Variants in AGBL4 observed in about 807,000 individuals in gnomAD.
The protein encoded by AGBL4 is cytosolic carboxypeptidase 6.
In AGBL4, 58 loss-of-function variants were observed where a neutral mutation model predicts 66.4. That is an observed-to-expected ratio of 0.87 (90% CI 0.71 to 1.09). The LOEUF (loss-of-function observed/expected upper bound fraction) is 1.09. Ranked by LOEUF, AGBL4 falls within the 50% of genes least tolerant of loss-of-function variation. AGBL4 has a pLI of 0.00. For synonymous variants in AGBL4, 234 were observed against 222.9 expected (o/e 1.05, Z -0.44); for missense variants, 579 against 631.0 (o/e 0.92, Z 0.88).
chr1:48,715,539 C>T (rs1432012374), intron 6 of AGBL4, among the ~76,000 whole-genome samples: 2 of 152,216 alleles, frequency 1.3e-5, no homozygotes, highest in East Asian at 3.9e-4. Context: ...GGTGCTAGTG[C>T]AGCACCTAGC....
intron 6 of AGBL4, among the ~76,000 whole-genome samples, chr1:48,823,050 A>C (rs1361690136): frequency 1.3e-5 from 2 of 152,204 alleles, no homozygotes; most frequent in East Asian, 3.8e-4. Context: ...TTCGATAGAA[A>C]ACATTCTTAT....
chr1:49,271,375 G>A (rs956593241), intron 3 of AGBL4, among the ~76,000 whole-genome samples: 1 of 151,814 alleles, frequency 6.6e-6, no homozygotes, highest in Non-Finnish European at 1.5e-5. Context: ...GAGGTAGAAG[G>A]GTACTTTCGA....
chr1:49,588,051 G>A (rs1003058228), intron 3 of AGBL4, among the ~76,000 whole-genome samples: 3 of 151,988 alleles, frequency 2.0e-5, no homozygotes, highest in African/African-American at 7.2e-5. Context: ...TGGTTCACCA[G>A]GCTCCATACT....
intron 2 of AGBL4, among the ~76,000 whole-genome samples, chr1:49,816,167 G>A (rs888305112): frequency 6.6e-6 from 1 of 152,090 alleles, no homozygotes; most frequent in Non-Finnish European, 1.5e-5. Flanking sequence ...GATTACCTGA[G>A]GCAGCATGCT....
chr1:49,038,649 G>T lies in AGBL4; in HGVS notation c.594+6935C>A, dbSNP rs542365074. Among the ~76,000 whole-genome samples the T allele has an allele frequency of 3.9e-5, 6 of 152,136 alleles. 1 individual carries two copies. Among genetic ancestry groups the T allele is most frequent in the African/African-American group, 1.4e-4 (6 of 41,536 alleles). ...GAAATGCAAATCGAAACAACAATGAGATACAGTACACACCTATTAGAATGG... is the reference window on the plus strand; with the variant it reads ...GAAATGCAAATCGAAACAACAATGATATACAGTACACACCTATTAGAATGG... On this transcript the variant is annotated intron_variant, in intron 5 of 13. Coordinates refer to ENST00000371839, the MANE Select transcript of AGBL4 (RefSeq NM_032785.4).
At chr1:49,168,742 C>T (rs997868407) in intron 4 of AGBL4, among the ~76,000 whole-genome samples, 27 of 152,168 alleles carry the variant, frequency 1.8e-4, no homozygotes, top group Non-Finnish European at 3.4e-4. Flanking sequence ...GCTTGATGCC[C>T]ACACACTTAT....
At chr1:49,474,864 C>T (rs1400677789) in intron 3 of AGBL4, among the ~76,000 whole-genome samples, 1 of 151,894 alleles carries the variant, frequency 6.6e-6, no homozygotes, top group East Asian at 1.9e-4. Flanking sequence ...TTAGGAGCCA[C>T]CCCAAGTACA....
chr1:50,009,994 TA>T (rs1264963509), intron 1 of AGBL4, among the ~76,000 whole-genome samples: 1 of 151,964 alleles, frequency 6.6e-6, no homozygotes, highest in Admixed American at 6.6e-5. Flanking sequence ...TCAAAGAAAT[TA>T]AAGAGGACGT....
chr1:48,859,095 G>C (rs1463286483), intron 6 of AGBL4, among the ~76,000 whole-genome samples: 3 of 151,940 alleles, frequency 2.0e-5, no homozygotes, highest in African/African-American at 7.3e-5. Context: ...GTTTTTAAGG[G>C]GAGAGTCGTG....
At chr1:49,692,362 C>T (rs1207393476) in intron 3 of AGBL4, among the ~76,000 whole-genome samples, 1 of 152,078 alleles carries the variant, frequency 6.6e-6, no homozygotes, top group Non-Finnish European at 1.5e-5. Context: ...TTGTGGACTG[C>T]TGATTTTGAC....
At chr1:49,875,379 T>C (rs1213700990) in intron 1 of AGBL4, among the ~76,000 whole-genome samples, 1 of 132,148 alleles carries the variant, frequency 7.6e-6, no homozygotes, top group Non-Finnish European at 1.6e-5. Context: ...ATTGTTCAAT[T>C]CCCACCTATG....
Position 49,424,265 on chromosome 1 carries a change from T to A in AGBL4, c.283-178401A>T, listed in dbSNP as rs143954675. On this transcript the variant is annotated intron_variant, in intron 3 of 13. Coordinates refer to ENST00000371839, the MANE Select transcript of AGBL4 (RefSeq NM_032785.4). ...ACGAAACAAACAAAGAAACAAACAG[T>A]TAAATAGAGCCAAATTCTTTCTATA... is the stretch of plus-strand genomic sequence containing the variant. 7.4e-4 allele frequency among the ~76,000 whole-genome samples: 112 copies of A among 152,148 alleles called. 2 individuals are homozygous for A. In the East Asian group the frequency reaches 0.019, roughly 25 times the overall value.
intron 4 of AGBL4, among the ~76,000 whole-genome samples, chr1:49,204,287 T>A (rs919346805): frequency 2.0e-5 from 3 of 152,092 alleles, no homozygotes; most frequent in Non-Finnish European, 2.9e-5. Context: ...TGTTTATTTT[T>A]TTAGTCAAGT....
At chr1:49,853,104 C>T (rs1157373254) in intron 1 of AGBL4, among the ~76,000 whole-genome samples, 1 of 151,958 alleles carries the variant, frequency 6.6e-6, no homozygotes, top group Non-Finnish European at 1.5e-5. Flanking sequence ...TGAGACATAG[C>T]CAAAATATCA....
intron 1 of AGBL4, among the ~76,000 whole-genome samples, chr1:49,930,034 C>T (rs1030494804): frequency 6.6e-6 from 1 of 151,754 alleles, no homozygotes; most frequent in Non-Finnish European, 1.5e-5. Context: ...ACTACTAGTT[C>T]TTTAAGAAAG....
chr1:49,674,719 AAAAG>A (rs1646546904), intron 3 of AGBL4, among the ~76,000 whole-genome samples: 1 of 151,972 alleles, frequency 6.6e-6, no homozygotes, highest in Non-Finnish European at 1.5e-5. Context: ...TTTTCCAAAA[AAAAG>A]AACGAAATCA....
chr1:49,342,346 A>G (rs995750826), intron 3 of AGBL4, among the ~76,000 whole-genome samples: 1 of 152,108 alleles, frequency 6.6e-6, no homozygotes, highest in Non-Finnish European at 1.5e-5. Context: ...CACAGGAGAA[A>G]ATGCAGGCCG....
intron 3 of AGBL4, among the ~76,000 whole-genome samples, chr1:49,564,180 T>C (rs1329741207): frequency 6.6e-6 from 1 of 152,134 alleles, no homozygotes; most frequent in Non-Finnish European, 1.5e-5. Context: ...TTTTATTGCG[T>C]CTATTTGATT....
chr1:49,333,808 G>A (rs186925879), intron 3 of AGBL4, among the ~76,000 whole-genome samples: 1 of 152,272 alleles, frequency 6.6e-6, no homozygotes. Flanking sequence ...TCCTTGTTCA[G>A]TTTGGCCATG....
Sources: gnomAD v4.1 joint callset for allele counts (sites outside exome capture counted in the v4.1 genomes callset) on GRCh38, gnomAD v4.1.1 for gene constraint, MANE v1.5 for transcripts, NCBI Gene and HGNC (gene_info 2026-07-23, HGNC 2026-07-21) for gene names.